The following MDN1 variants were observed in gnomAD, a reference collection of about 807,000 sequenced individuals.
MDN1 encodes the protein midasin.
A neutral mutation model predicts 669.2 loss-of-function variants in MDN1; 266 were observed. The observed-to-expected ratio is 0.40, with a 90% CI of 0.36 to 0.44. The LOEUF is 0.44. MDN1 is among the 20% of genes least tolerant of loss of function. The probability of loss-of-function intolerance (pLI) is 1.00; values close to 1 mark genes in which losing one functional copy is unlikely to be tolerated. For missense variants in MDN1, 5,940 were observed against 6,754.0 expected (o/e 0.88, Z 4.22); for synonymous variants, 2,385 against 2,457.1 (o/e 0.97, Z 0.87).
At position 89,785,200 on chromosome 6, in the gene MDN1, C is replaced by T. The variant is rs1325536631; in HGVS notation, c.1335-74G>A. 10 of 962,614 alleles carry T rather than the reference C, an allele frequency of 1.0e-5. No individual in the cohort carries two copies. The Admixed American group carries it at 1.6e-4, about 15-fold the overall frequency. The allele number at this position is 962,614 out of a possible 1,614,324, so 59.6% of individuals were successfully genotyped here. On this transcript the variant is annotated intron_variant, in intron 8 of 101. Coordinates refer to ENST00000369393, the MANE Select transcript of MDN1 (RefSeq NM_014611.3). ...TCCTGAATTGTGCCTCTGGATATTA[C>T]TTGCTGTACACTGTCTCACATAGGA...
intron 92 of MDN1, 51 bp from the exon 93 acceptor site, chr6:89,654,385 C>T (rs1419603019): frequency 1.9e-6 from 3 of 1,599,814 alleles, no homozygotes; most frequent in Non-Finnish European, 2.6e-6. Context: ...CTTTGCAGAA[C>T]AAAATAATAA....
At chr6:89,672,876 C>G (rs903610527) in intron 80 of MDN1, among the ~76,000 whole-genome samples, 174 bp from the exon 81 acceptor site, 1 of 152,024 alleles carries the variant, frequency 6.6e-6, no homozygotes, top group Admixed American at 6.5e-5. Flanking sequence ...AAGTTTATTA[C>G]CTTGTATTAA....
At chr6:89,729,178 A>G (rs1259645125) in intron 35 of MDN1, 39 bp from the exon 36 acceptor site, 2 of 1,523,898 alleles carry the variant, frequency 1.3e-6, no homozygotes, top group South Asian at 1.2e-5. Flanking sequence ...TAAGCGGGAC[A>G]TCATCAAATC....
chr6:89,693,539 C>G (rs1414890646), intron 62 of MDN1, among the ~76,000 whole-genome samples: 1 of 152,192 alleles, frequency 6.6e-6, no homozygotes, highest in Non-Finnish European at 1.5e-5. Flanking sequence ...ACAGGCTGAG[C>G]ATCCCAAATC....
chr6:89,796,102 A>G (rs569718107), intron 2 of MDN1, among the ~76,000 whole-genome samples: 1 of 152,134 alleles, frequency 6.6e-6, no homozygotes. Flanking sequence ...AGGTAGGCAG[A>G]TCACTTTAGG....
intron 65 of MDN1, among the ~76,000 whole-genome samples, chr6:89,689,468 C>G (rs1812234754): frequency 6.6e-6 from 1 of 152,116 alleles, no homozygotes; most frequent in Non-Finnish European, 1.5e-5. Context: ...ACTATTAAAC[C>G]ATATTCTACA....
In MDN1 at chr6:89,662,942, A is replaced by C; in HGVS notation, c.14262T>G (p.Ser4754Arg). The change falls in exon 86 of 102, where the codon AGT becomes AGG. Residue 4754 changes from serine (S) to arginine (R), a missense_variant. Transcript: ENST00000369393. ...EQEEDDEKSD[S>R]EGGDLDKHMG... Reference sequence around the variant, plus strand: ...TGTGTTTATCCAGGTCTCCGCCCTCACTATCTGATTTCTCATCATCCTCTT... The same window carrying C: ...TGTGTTTATCCAGGTCTCCGCCCTCCCTATCTGATTTCTCATCATCCTCTT... 6.2e-7 allele frequency: 1 copy of C among 1,613,998 alleles called. No individual in the cohort carries two copies. Among genetic ancestry groups the C allele is most frequent in the South Asian group, 1.1e-5 (1 of 91,070 alleles).
intron 75 of MDN1, 88 bp downstream of exon 75, chr6:89,678,511 T>C (rs529502851): frequency 1.0e-5 from 15 of 1,478,152 alleles, no homozygotes; most frequent in Non-Finnish European, 1.4e-5. Flanking sequence ...CTCAACTGTC[T>C]ATGGAATTTC....
intron 29 of MDN1, 111 bp from the exon 30 acceptor site, chr6:89,743,825 A>C (rs1816423668): frequency 3.3e-6 from 4 of 1,229,236 alleles, no homozygotes; most frequent in Admixed American, 1.9e-5. Flanking sequence ...CTGCAGCAGT[A>C]AACAGTGCTG....
At chr6:89,661,630 T>TA in intron 87 of MDN1, 52 bp from the exon 88 acceptor site, 1 of 1,513,454 alleles carries the variant, frequency 6.6e-7, no homozygotes, top group Non-Finnish European at 8.9e-7. Flanking sequence ...AATATTTTTT[T>TA]AAAAAGTAGA....
At chr6:89,781,706 T>G in intron 9 of MDN1, 114 bp from the exon 10 acceptor site, 1 of 869,638 alleles carries the variant, frequency 1.1e-6, no homozygotes, top group Non-Finnish European at 1.7e-6. Flanking sequence ...ATGAAATTTG[T>G]TCACTGGGGG....
intron 15 of MDN1, among the ~76,000 whole-genome samples, chr6:89,766,051 T>C (rs1244138313): frequency 6.6e-6 from 1 of 152,216 alleles, no homozygotes; most frequent in African/African-American, 2.4e-5. Flanking sequence ...TCCCAGCACT[T>C]TGGGACGCTG....
intron 50 of MDN1, among the ~76,000 whole-genome samples, chr6:89,709,957 G>A (rs1428101818): frequency 1.3e-5 from 2 of 152,150 alleles, no homozygotes; most frequent in Non-Finnish European, 2.9e-5. Context: ...AATGCAGTCA[G>A]TGGCACTATC....
intron 1 of MDN1, among the ~76,000 whole-genome samples, chr6:89,808,094 C>CT (rs544170170): frequency 1.5e-3 from 218 of 144,232 alleles, no homozygotes; most frequent in Middle Eastern, 3.6e-3. Flanking sequence ...TCACTTTTTT[C>CT]TTTTTTTTTT....
Position 89,653,046 on chromosome 6 carries a change from G to A in MDN1, c.15771C>T (p.Ser5257=). The A allele has an allele frequency of 6.2e-7, 1 of 1,614,106 alleles. No individual in the cohort carries two copies. The highest frequency in any genetic ancestry group is 8.5e-7 in the Non-Finnish European group (1 of 1,180,012). Residue 5257 remains serine, a synonymous_variant, in exon 94 of 102, where the codon AGC becomes AGT. Transcript: ENST00000369393. The part of the protein sequence containing the change: ...KETENEKPER[S]RESTIHTAHQ... ...GAGCTGTATGAATGGTAGACTCTCG[G>A]CTTCTTTCTGGTTTCTCATTTTCTG...
intron 33 of MDN1, 38 bp downstream of exon 33, chr6:89,738,288 A>G: frequency 6.2e-7 from 1 of 1,607,986 alleles, no homozygotes; most frequent in Non-Finnish European, 8.5e-7. Flanking sequence ...AAACCCTTCT[A>G]TGACCCAATA....
chr6:89,743,689 C>G lies in MDN1; in HGVS notation c.4204G>C (p.Val1402Leu). 1 of 1,613,644 alleles carries G rather than the reference C, an allele frequency of 6.2e-7. No individual in the cohort carries two copies. Residue 1402 changes from valine to leucine, a missense_variant, in exon 30 of 102, where the codon GTA (valine) becomes CTA (leucine). Physicochemically the swap from Val to Leu is conservative, Grantham distance 32. Around this residue, in one of 5 missense-constraint regions of MDN1, gnomAD observed 2,292 missense variants for 2,638.3 expected, o/e 0.87. Transcript: ENST00000369393. The part of the protein sequence containing the change: ...TGCGKTTICQ[V>L]FAALANQKLY... ...TTCTGATTTGCCAAGGCTGCAAATA[C>G]CTGACAGATAGTAGTTTTCCCACAC...
At position 89,663,428 on chromosome 6, in the gene MDN1, T is replaced by C. The variant is rs1809949875; in HGVS notation, c.14237-461A>G. Among the ~76,000 whole-genome samples, 4 of 152,200 alleles carry C rather than the reference T, an allele frequency of 2.6e-5. No homozygotes were observed. The South Asian group carries it at 8.3e-4, about 32-fold the overall frequency. On this transcript the variant is annotated intron_variant, in intron 85 of 101. Transcript: ENST00000369393. Reference sequence around the variant, plus strand: ...ACAGGGTATACTTTGCAAAAGGTCATATCCTATGTGCCTTAGGCCAACTGC... The same window carrying C: ...ACAGGGTATACTTTGCAAAAGGTCACATCCTATGTGCCTTAGGCCAACTGC...
intron 83 of MDN1, 54 bp downstream of exon 83, chr6:89,670,865 T>G: frequency 1.4e-5 from 22 of 1,555,822 alleles, no homozygotes; most frequent in Non-Finnish European, 1.9e-5. Flanking sequence ...ACTAATGACA[T>G]GAAATTTACT....
Sources: allele counts gnomAD v4.1 joint callset (sites outside exome capture counted in the v4.1 genomes callset), GRCh38; gene constraint gnomAD v4.1.1; regional missense constraint gnomAD v4.1.1; transcripts MANE v1.5; gene names NCBI Gene and HGNC (gene_info 2026-07-23, HGNC 2026-07-21).